Variants in KCNIP4 observed in about 807,000 individuals in gnomAD.
The protein encoded by KCNIP4 is Kv channel-interacting protein 4.
A neutral mutation model predicts 34.0 loss-of-function variants in KCNIP4; 12 were observed. The observed-to-expected ratio is 0.35, with a 90% CI of 0.23 to 0.57. The LOEUF (loss-of-function observed/expected upper bound fraction) is 0.57, where lower values mean the gene tolerates loss of function less well. KCNIP4 is among the 20% of genes least tolerant of loss of function. The pLI, the probability that KCNIP4 is intolerant of heterozygous loss-of-function variation, is 0.83. For missense variants in KCNIP4, 238 were observed against 311.7 expected, an observed-to-expected ratio of 0.76 and a Z score of 1.78; for synonymous variants, 124 against 102.2, an observed-to-expected ratio of 1.21 and a Z score of -1.29.
chr4:21,435,714 CA>C (rs1726884294), intron 1 of KCNIP4, among the ~76,000 whole-genome samples: 1 of 151,956 alleles, frequency 6.6e-6, no homozygotes, highest in African/African-American at 2.4e-5. Context: ...GGAGCTAAAC[CA>C]AAATTATAAA....
At chr4:21,925,904 G>C (rs1156269565) in intron 1 of KCNIP4, among the ~76,000 whole-genome samples, 3 of 152,122 alleles carry the variant, frequency 2.0e-5, no homozygotes, top group African/African-American at 7.2e-5. Flanking sequence ...GGAAGACCTA[G>C]GTTGGAGCCC....
intron 1 of KCNIP4, among the ~76,000 whole-genome samples, chr4:21,778,236 C>CTT (rs71655659): frequency 6.6e-4 from 17 of 25,754 alleles, no homozygotes; most frequent in East Asian, 3.2e-3. Flanking sequence ...TTTTTTTTTT[C>CTT]TTTTTTTTTT....
At chr4:20,877,151 C>A (rs1367977962) in intron 2 of KCNIP4, among the ~76,000 whole-genome samples, 1 of 152,136 alleles carries the variant, frequency 6.6e-6, no homozygotes, top group African/African-American at 2.4e-5. Flanking sequence ...GGTTGTGGTA[C>A]TTATCATCTG....
intron 1 of KCNIP4, among the ~76,000 whole-genome samples, chr4:21,074,434 T>C (rs1745282974): frequency 6.6e-6 from 1 of 152,222 alleles, no homozygotes; most frequent in Non-Finnish European, 1.5e-5. Flanking sequence ...TAGAGGTGTT[T>C]ATAGTATTCT....
At chr4:21,448,435 A>G (rs1014347974) in intron 1 of KCNIP4, among the ~76,000 whole-genome samples, 1 of 152,198 alleles carries the variant, frequency 6.6e-6, no homozygotes, top group African/African-American at 2.4e-5. Flanking sequence ...TGTGCCCTTC[A>G]TAATTGGAAA....
intron 1 of KCNIP4, among the ~76,000 whole-genome samples, chr4:21,273,198 G>T (rs1205521151): frequency 1.3e-5 from 2 of 152,050 alleles, no homozygotes; most frequent in Non-Finnish European, 2.9e-5. Context: ...TGATCCCCTT[G>T]ACTTAACACA....
At chr4:20,854,616 T>C (rs532764787) in intron 2 of KCNIP4, among the ~76,000 whole-genome samples, 1 of 152,250 alleles carries the variant, frequency 6.6e-6, no homozygotes, top group South Asian at 2.1e-4. Context: ...AAATACCACC[T>C]GTACCCCAAT....
intron 1 of KCNIP4, among the ~76,000 whole-genome samples, chr4:21,452,081 C>A (rs1231164545): frequency 6.6e-6 from 1 of 152,024 alleles, no homozygotes; most frequent in Non-Finnish European, 1.5e-5. Flanking sequence ...GGATAATTTA[C>A]CTCCCTAACT....
chr4:21,247,752 A>ATATATATATG (rs1453711818), intron 1 of KCNIP4, among the ~76,000 whole-genome samples: 1 of 129,098 alleles, frequency 7.7e-6, no homozygotes, highest in Non-Finnish European at 1.6e-5. Flanking sequence ...ATATATATAT[A>ATATATATATG]TATATATACA....
intron 1 of KCNIP4, among the ~76,000 whole-genome samples, chr4:21,707,597 C>T (rs1388019770): frequency 6.6e-6 from 1 of 151,982 alleles, no homozygotes; most frequent in East Asian, 1.9e-4. Flanking sequence ...CTGAAGTCCT[C>T]ATTGTTGTTG....
At chr4:20,823,932 G>A (rs1717409106) in intron 3 of KCNIP4, among the ~76,000 whole-genome samples, 1 of 152,192 alleles carries the variant, frequency 6.6e-6, no homozygotes, top group Admixed American at 6.5e-5. Context: ...GCATAGAATA[G>A]TGGCTAAGAA....
chr4:20,938,357 A>G (rs1022156503), intron 1 of KCNIP4, among the ~76,000 whole-genome samples: 1 of 151,974 alleles, frequency 6.6e-6, no homozygotes, highest in African/African-American at 2.4e-5. Context: ...TGAAGACAAA[A>G]CCAGTCCAGC....
chr4:20,984,021 T>C, intron 1 of KCNIP4: 2 of 1,493,244 alleles, frequency 1.3e-6, no homozygotes, highest in Admixed American at 2.3e-5. Flanking sequence ...GAACAAAGAC[T>C]TGCAAGGGGA....
intron 1 of KCNIP4, among the ~76,000 whole-genome samples, chr4:21,895,391 C>A (rs754492385): frequency 6.6e-6 from 1 of 152,088 alleles, no homozygotes; most frequent in Non-Finnish European, 1.5e-5. Flanking sequence ...GCTTTTAAAA[C>A]CATTTCATCA....
At chr4:21,646,306 A>G (rs1747014577) in intron 1 of KCNIP4, among the ~76,000 whole-genome samples, 1 of 152,184 alleles carries the variant, frequency 6.6e-6, no homozygotes, top group African/African-American at 2.4e-5. Context: ...CATCATATCC[A>G]ATCAAATGTC....
At chr4:21,894,751 G>T (rs1727288114) in intron 1 of KCNIP4, among the ~76,000 whole-genome samples, 1 of 152,200 alleles carries the variant, frequency 6.6e-6, no homozygotes, top group Non-Finnish European at 1.5e-5. Flanking sequence ...GCCAACAGAA[G>T]TTGGTTTTTT....
chr4:21,309,837 A>G (rs1213362325), intron 1 of KCNIP4, among the ~76,000 whole-genome samples: 1 of 152,196 alleles, frequency 6.6e-6, no homozygotes, highest in Non-Finnish European at 1.5e-5. Flanking sequence ...TTAAGAAAGT[A>G]TGGAAAGTAC....
At chr4:20,773,599 G>T (rs1182910309) in intron 3 of KCNIP4, among the ~76,000 whole-genome samples, 1 of 152,118 alleles carries the variant, frequency 6.6e-6, no homozygotes, top group Non-Finnish European at 1.5e-5. Context: ...GCACAAGGGG[G>T]CAGTAGTGTC....
intron 3 of KCNIP4, among the ~76,000 whole-genome samples, chr4:20,762,822 G>T (rs2149365129): frequency 6.6e-6 from 1 of 152,240 alleles, no homozygotes; most frequent in East Asian, 1.9e-4. Context: ...ATAAAGAACT[G>T]CCCAAGTCTG....
Sources: gnomAD v4.1 joint callset for allele counts (sites outside exome capture counted in the v4.1 genomes callset) on GRCh38, gnomAD v4.1.1 for gene constraint, MANE v1.5 for transcripts, NCBI Gene and HGNC (gene_info 2026-07-23, HGNC 2026-07-21) for gene names.